The following GRM7 variants were observed in gnomAD, a reference collection of about 807,000 sequenced individuals.
GRM7 encodes the protein metabotropic glutamate receptor 7.
In GRM7, 35 loss-of-function variants were observed where a neutral mutation model predicts 84.5. The observed-to-expected ratio is 0.41, with a 90% CI of 0.32 to 0.55. The LOEUF (loss-of-function observed/expected upper bound fraction) is 0.55, where lower values mean the gene tolerates loss of function less well. Among genes scored for constraint, GRM7 ranks in the 20% least tolerant of loss-of-function variants. GRM7 has a pLI of 0.19. For missense variants in GRM7, 1,003 were observed against 1,194.6 expected (o/e 0.84, Z 2.36); for synonymous variants, 487 against 455.1 (o/e 1.07, Z -0.89).
intron 5 of GRM7, among the ~76,000 whole-genome samples, chr3:7,446,521 C>A (rs554001875): frequency 1.4e-5 from 2 of 139,934 alleles, no homozygotes; most frequent in Admixed American, 7.8e-5. Flanking sequence ...AGTGTAGTGG[C>A]GCGATCTCAG....
chr3:7,344,721 G>A (rs1453895862), intron 4 of GRM7, among the ~76,000 whole-genome samples: 2 of 152,114 alleles, frequency 1.3e-5, no homozygotes, highest in African/African-American at 4.8e-5. Context: ...AACTAAAAAT[G>A]TTGATTTCAC....
chr3:7,403,808 A>C (rs1026534775), intron 4 of GRM7, among the ~76,000 whole-genome samples: 3 of 151,128 alleles, frequency 2.0e-5, no homozygotes, highest in Non-Finnish European at 4.4e-5. Context: ...TATATATATA[A>C]GAATATGTGT....
At chr3:7,048,943 C>A (rs1368869065) in intron 1 of GRM7, among the ~76,000 whole-genome samples, 1 of 151,888 alleles carries the variant, frequency 6.6e-6, no homozygotes, top group Admixed American at 6.6e-5. Flanking sequence ...CCATCTCTTT[C>A]CTTTAAGAAT....
At chr3:6,892,191 A>G (rs968767786) in intron 1 of GRM7, among the ~76,000 whole-genome samples, 1 of 152,090 alleles carries the variant, frequency 6.6e-6, no homozygotes, top group African/African-American at 2.4e-5. Context: ...CAGATGACCT[A>G]GGATTGGTCA....
chr3:7,133,953 A>G (rs1447650186), intron 1 of GRM7, among the ~76,000 whole-genome samples: 1 of 152,184 alleles, frequency 6.6e-6, no homozygotes, highest in African/African-American at 2.4e-5. Flanking sequence ...GGAATATGGA[A>G]AAAAGTATTT....
At chr3:7,375,643 C>T (rs1304032765) in intron 4 of GRM7, among the ~76,000 whole-genome samples, 3 of 152,242 alleles carry the variant, frequency 2.0e-5, no homozygotes, top group African/African-American at 7.2e-5. Context: ...GTTCCTGTGC[C>T]TGCACTTTTC....
intron 8 of GRM7, among the ~76,000 whole-genome samples, chr3:7,582,145 C>G (rs1252161707): frequency 2.6e-5 from 4 of 152,140 alleles, no homozygotes; most frequent in South Asian, 2.1e-4. Context: ...GATAATATAC[C>G]ATTATTTTGT....
At chr3:7,524,005 C>T (rs554283156) in intron 7 of GRM7, among the ~76,000 whole-genome samples, 101 of 152,188 alleles carry the variant, frequency 6.6e-4, no homozygotes, top group African/African-American at 2.4e-3. Context: ...TATCTTGCTC[C>T]TAGAGAGATC....
intron 1 of GRM7, among the ~76,000 whole-genome samples, chr3:7,109,279 A>T (rs1300880789): frequency 1.3e-5 from 2 of 152,140 alleles, no homozygotes. Context: ...GAAAAACTAC[A>T]AAGATAAATA....
intron 5 of GRM7, among the ~76,000 whole-genome samples, chr3:7,450,779 A>G (rs1256969047): frequency 6.6e-6 from 1 of 152,152 alleles, no homozygotes; most frequent in Non-Finnish European, 1.5e-5. Flanking sequence ...GGCAGTGAGC[A>G]TAAAGTTGAT....
intron 7 of GRM7, among the ~76,000 whole-genome samples, chr3:7,526,689 A>C (rs945652296): frequency 4.6e-5 from 7 of 151,638 alleles, no homozygotes; most frequent in Non-Finnish European, 2.9e-5. Context: ...ACTCATCTTG[A>C]GTTAATTTTT....
chr3:7,675,838 G>C (rs1056713972), intron 8 of GRM7, among the ~76,000 whole-genome samples: 1 of 152,084 alleles, frequency 6.6e-6, no homozygotes, highest in African/African-American at 2.4e-5. Flanking sequence ...AACATTTCCT[G>C]GGTACTTATT....
At chr3:7,379,267 G>T (rs1559280278) in intron 4 of GRM7, among the ~76,000 whole-genome samples, 4 of 152,056 alleles carry the variant, frequency 2.6e-5, no homozygotes, top group Admixed American at 1.3e-4. Context: ...TAGAGACTGG[G>T]TTTCACCATG....
At chr3:7,215,276 T>A (rs1278998167) in intron 2 of GRM7, among the ~76,000 whole-genome samples, 1 of 152,200 alleles carries the variant, frequency 6.6e-6, no homozygotes, top group East Asian at 1.9e-4. Context: ...AAGATAAATT[T>A]CTGTTCTGAT....
At chr3:7,652,066 A>G (rs1698967153) in intron 8 of GRM7, among the ~76,000 whole-genome samples, 1 of 152,198 alleles carries the variant, frequency 6.6e-6, no homozygotes, top group African/African-American at 2.4e-5. Context: ...AGGGTAGTCC[A>G]TTTACCTGAG....
At chr3:7,576,301 G>A (rs1043193519) in intron 7 of GRM7, among the ~76,000 whole-genome samples, 5 of 152,204 alleles carry the variant, frequency 3.3e-5, no homozygotes, top group Non-Finnish European at 7.3e-5. Flanking sequence ...TACTGAGAAA[G>A]AGAAGATTGT....
At chr3:7,574,299 A>G (rs1007657544) in intron 7 of GRM7, among the ~76,000 whole-genome samples, 2 of 151,706 alleles carry the variant, frequency 1.3e-5, no homozygotes, top group African/African-American at 4.8e-5. Flanking sequence ...AGCTGGGATT[A>G]CAGGTGCCCA....
At chr3:7,319,246 GA>G (rs1258690008) in intron 4 of GRM7, among the ~76,000 whole-genome samples, 1 of 152,006 alleles carries the variant, frequency 6.6e-6, no homozygotes, top group Non-Finnish European at 1.5e-5. Flanking sequence ...TGCATTAGCT[GA>G]AAAAAGTAGG....
At chr3:7,076,602 T>C (rs1317887304) in intron 1 of GRM7, among the ~76,000 whole-genome samples, 2 of 152,158 alleles carry the variant, frequency 1.3e-5, no homozygotes, top group Admixed American at 1.3e-4. Context: ...TTACCCAGTC[T>C]TGGGTATCCT....
Sources: gnomAD v4.1 joint callset for allele counts (sites outside exome capture counted in the v4.1 genomes callset) on GRCh38, gnomAD v4.1.1 for gene constraint, MANE v1.5 for transcripts, NCBI Gene and HGNC (gene_info 2026-07-23, HGNC 2026-07-21) for gene names.